The following RBFOX1 variants were observed in gnomAD, a reference collection of about 807,000 sequenced individuals.
RBFOX1 encodes the protein RNA binding fox-1 homolog 1.
In RBFOX1, 8 loss-of-function variants were observed where a neutral mutation model predicts 57.7. The observed-to-expected ratio is 0.14, with a 90% CI of 0.08 to 0.25. The LOEUF (loss-of-function observed/expected upper bound fraction) is 0.25, where lower values mean the gene tolerates loss of function less well. Among genes scored for constraint, RBFOX1 ranks in the 10% least tolerant of loss-of-function variants. RBFOX1 has a pLI of 1.00. For synonymous variants in RBFOX1, 326 were observed against 222.4 expected (o/e 1.47, Z -4.15); for missense variants, 611 against 548.5 (o/e 1.11, Z -1.14).
At chr16:7,598,520 A>T (rs1602961824) in intron 9 of RBFOX1, among the ~76,000 whole-genome samples, 1 of 152,168 alleles carries the variant, frequency 6.6e-6, no homozygotes, top group East Asian at 1.9e-4. Context: ...ATTAAAAGAA[A>T]CGTTAAAGAC....
chr16:5,663,811 C>G (rs1011214122), intron 3 of RBFOX1, among the ~76,000 whole-genome samples: 1 of 152,208 alleles, frequency 6.6e-6, no homozygotes, highest in African/African-American at 2.4e-5. Context: ...GTGCTTCACA[C>G]GTCAAAGACA....
intron 4 of RBFOX1, among the ~76,000 whole-genome samples, chr16:7,148,619 C>T (rs892799736): frequency 3.3e-5 from 5 of 152,220 alleles, no homozygotes; most frequent in African/African-American, 1.2e-4. Flanking sequence ...CACCCTTTCC[C>T]TTGTACTTGT....
chr16:5,702,181 C>G (rs907170055), intron 3 of RBFOX1, among the ~76,000 whole-genome samples: 1 of 152,164 alleles, frequency 6.6e-6, no homozygotes, highest in African/African-American at 2.4e-5. Context: ...TTCATTGACT[C>G]AGTTCCACAG....
intron 4 of RBFOX1, among the ~76,000 whole-genome samples, chr16:7,160,957 G>A (rs9929846): frequency 2.0e-5 from 3 of 151,988 alleles, no homozygotes; most frequent in South Asian, 4.1e-4. Flanking sequence ...TTATATCAGC[G>A]ACAAACCTTC....
chr16:5,773,553 T>C (rs979034001), intron 3 of RBFOX1, among the ~76,000 whole-genome samples: 8 of 152,242 alleles, frequency 5.3e-5, no homozygotes, highest in Admixed American at 5.2e-4. Context: ...GATGGACATT[T>C]AGGATGTTTT....
intron 4 of RBFOX1, among the ~76,000 whole-genome samples, chr16:7,214,569 C>G (rs1213319631): frequency 6.6e-6 from 1 of 152,074 alleles, no homozygotes. Flanking sequence ...ACCCCACTAG[C>G]TGTGCTCCTA....
chr16:6,824,081 T>C (rs1258831092), intron 3 of RBFOX1, among the ~76,000 whole-genome samples: 1 of 152,172 alleles, frequency 6.6e-6, no homozygotes, highest in Non-Finnish European at 1.5e-5. Flanking sequence ...TTTGTAGTAA[T>C]GGAATGGTGA....
chr16:6,289,623 C>G (rs1209558792), intron 1 of RBFOX1, among the ~76,000 whole-genome samples: 6 of 152,068 alleles, frequency 3.9e-5, no homozygotes. Flanking sequence ...TCTGTTTAAT[C>G]CACAAACAAG....
At position 7,517,746 on chromosome 16, in the gene RBFOX1, A is replaced by C. The variant is rs1041033564; in HGVS notation, c.28-401A>C. ...GTCTCTCTTGGCACTTTAAGTATCA[A>C]ATCAAGGTTCTGCTGTCACTGCAGA... On this transcript the variant is annotated intron_variant, in intron 4 of 15. Transcript: ENST00000550418. Among the ~76,000 whole-genome samples, 11 of 152,178 alleles carry C rather than the reference A, an allele frequency of 7.2e-5. No homozygotes were observed. In the Middle Eastern group the frequency reaches 0.01, roughly 141 times the overall value.
intron 4 of RBFOX1, among the ~76,000 whole-genome samples, chr16:7,376,309 A>G (rs2097685276): frequency 2.0e-5 from 3 of 152,196 alleles, no homozygotes; most frequent in African/African-American, 7.2e-5. Context: ...CTTTATTAAA[A>G]TTTCTCAAAT....
rs539748176 is a variant in RBFOX1, at chr16:7,053,132, G to T, written c.27+1034G>T. 3.8e-4 allele frequency among the ~76,000 whole-genome samples: 58 copies of T among 152,218 alleles called. 1 individual carries two copies. Among genetic ancestry groups the T allele is most frequent in the Non-Finnish European group, 2.9e-5 (2 of 68,046 alleles). ...AGTCTCATGATGGCAATAATTTGTA[G>T]AGTTGCTTCCATTTCACAGTTGCTG... On this transcript the variant is annotated intron_variant, in intron 4 of 15. Coordinates refer to ENST00000550418, the MANE Select transcript of RBFOX1 (RefSeq NM_018723.4).
intron 3 of RBFOX1, among the ~76,000 whole-genome samples, chr16:6,877,337 C>T (rs1294056945): frequency 1.3e-5 from 2 of 152,142 alleles, no homozygotes; most frequent in Non-Finnish European, 2.9e-5. Context: ...CTAATCTTTA[C>T]TTCCCTTTAG....
At chr16:6,006,614 G>A (rs972972561) in intron 4 of RBFOX1, among the ~76,000 whole-genome samples, 2 of 152,192 alleles carry the variant, frequency 1.3e-5, no homozygotes, top group Admixed American at 6.5e-5. Flanking sequence ...ACACCTGTGT[G>A]TCCATAAATC....
intron 3 of RBFOX1, among the ~76,000 whole-genome samples, chr16:5,750,998 G>T (rs931151314): frequency 6.6e-6 from 1 of 152,136 alleles, no homozygotes; most frequent in African/African-American, 2.4e-5. Context: ...GGCAATCTTG[G>T]AACCCACCAA....
intron 1 of RBFOX1, among the ~76,000 whole-genome samples, chr16:6,263,904 C>G (rs1198761987): frequency 6.6e-6 from 1 of 152,152 alleles, no homozygotes; most frequent in East Asian, 1.9e-4. Context: ...GCAACATCCA[C>G]TATTACAGGA....
At chr16:6,891,712 C>T (rs1432452320) in intron 3 of RBFOX1, among the ~76,000 whole-genome samples, 2 of 152,140 alleles carry the variant, frequency 1.3e-5, no homozygotes, top group East Asian at 1.9e-4. Context: ...TACTTTTATT[C>T]ATCTGAACGT....
At chr16:5,751,846 C>A (rs2151621332) in intron 3 of RBFOX1, among the ~76,000 whole-genome samples, 1 of 152,266 alleles carries the variant, frequency 6.6e-6, no homozygotes, top group East Asian at 1.9e-4. Context: ...TTAGTTCAAC[C>A]ATTGTGGAAG....
At chr16:6,186,696 C>T (rs1191184583) in intron 1 of RBFOX1, among the ~76,000 whole-genome samples, 2 of 152,100 alleles carry the variant, frequency 1.3e-5, no homozygotes, top group East Asian at 3.9e-4. Flanking sequence ...GATGGAAGCT[C>T]CATAGCAATG....
At chr16:6,936,915 G>T (rs1257847219) in intron 3 of RBFOX1, among the ~76,000 whole-genome samples, 1 of 129,196 alleles carries the variant, frequency 7.7e-6, no homozygotes, top group East Asian at 2.5e-4. Flanking sequence ...CCCTTCCTGT[G>T]TCCATGTGAT....
Sources: allele counts gnomAD v4.1 joint callset (sites outside exome capture counted in the v4.1 genomes callset), GRCh38; gene constraint gnomAD v4.1.1; transcripts MANE v1.5; gene names NCBI Gene and HGNC (gene_info 2026-07-23, HGNC 2026-07-21).